Variants in NRG1 observed in about 807,000 individuals in gnomAD.
NRG1 encodes neuregulin 1, also known as pro-neuregulin-1, membrane-bound isoform.
NRG1 carries 18 observed loss-of-function variants against 63.8 expected under a neutral mutation model. That is an observed-to-expected ratio of 0.28 (90% CI 0.19 to 0.42). The LOEUF is 0.42. NRG1 is among the 10% of genes least tolerant of loss of function. The pLI is 1.00. For synonymous variants in NRG1, 302 were observed against 301.3 expected (o/e 1.00, Z -0.02); for missense variants, 762 against 814.7 (o/e 0.94, Z 0.79).
At chr8:31,919,870 G>C (rs932747473) in intron 1 of NRG1, among the ~76,000 whole-genome samples, 2 of 152,022 alleles carry the variant, frequency 1.3e-5, no homozygotes, top group African/African-American at 2.4e-5. Context: ...AAGTGTCATG[G>C]GGTAGAAGAG....
At chr8:32,758,575 C>CAAAAAAAA (rs35499101) in intron 9 of NRG1, among the ~76,000 whole-genome samples, 1 of 74,522 alleles carries the variant, frequency 1.3e-5, no homozygotes, top group Non-Finnish European at 2.2e-5. Flanking sequence ...GACTCCATCT[C>CAAAAAAAA]AAAAAAAAAA....
chr8:31,772,786 A>T (rs888862770), intron 1 of NRG1, among the ~76,000 whole-genome samples: 8 of 152,216 alleles, frequency 5.3e-5, no homozygotes, highest in Non-Finnish European at 5.9e-5. Context: ...GAACCTAAAA[A>T]ATTCTGGACT....
intron 1 of NRG1, among the ~76,000 whole-genome samples, chr8:32,227,228 A>G (rs1434177677): frequency 1.3e-5 from 2 of 152,176 alleles, no homozygotes; most frequent in African/African-American, 4.8e-5. Flanking sequence ...GCTTTGTAAC[A>G]TGTTCCAAGC....
At chr8:32,109,466 T>C (rs1343406705) in intron 1 of NRG1, among the ~76,000 whole-genome samples, 1 of 152,220 alleles carries the variant, frequency 6.6e-6, no homozygotes, top group Non-Finnish European at 1.5e-5. Flanking sequence ...ATCACTCAGC[T>C]GGTAGGTGGT....
chr8:32,617,004 A>T, intron 5 of NRG1, 119 bp downstream of exon 5: 2 of 744,320 alleles, frequency 2.7e-6, no homozygotes, highest in Non-Finnish European at 4.7e-6. Context: ...GAGTTTGGCA[A>T]TAGGTGGTAT....
intron 1 of NRG1, among the ~76,000 whole-genome samples, chr8:32,327,988 T>C (rs576076482): frequency 6.6e-6 from 1 of 152,372 alleles, no homozygotes; most frequent in Non-Finnish European, 1.5e-5. Context: ...GGAAACCAGT[T>C]ACCTCTCTTC....
At chr8:32,600,169 C>G (rs1016550543) in intron 2 of NRG1, among the ~76,000 whole-genome samples, 4 of 151,964 alleles carry the variant, frequency 2.6e-5, no homozygotes, top group African/African-American at 9.7e-5. Context: ...ACCTGCAGTC[C>G]CTGCTACTGA....
rs371035440 is a variant in NRG1 at position 32,055,073 on chromosome 8, A to G, written c.37+415642A>G. The stretch of plus-strand genomic sequence containing the variant: ...TGGCTAATTTTTTTGTATTTTTAGT[A>G]GAGACGGGGTTTCAGTATATTGGCC... On this transcript the variant is annotated intron_variant, in intron 1 of 10. Transcript: ENST00000519301. Among the ~76,000 whole-genome samples, 3 of 151,456 alleles carry G rather than the reference A, an allele frequency of 2.0e-5. No individual in the cohort carries two copies. The East Asian group carries it at 5.9e-4, about 30-fold the overall frequency.
In NRG1 at chr8:32,402,731, G is replaced by C. The variant is rs188647044; in HGVS notation, c.38-193097G>C. 4.6e-5 allele frequency among the ~76,000 whole-genome samples: 7 copies of C among 152,264 alleles called. No individual in the cohort carries two copies. The East Asian group carries it at 1.2e-3, about 25-fold the overall frequency. ...AGAGAAGCCCTAAAGTGCTTCCTTT[G>C]AGTGAAAACTCTTAATAAGGAAAGA... On this transcript the variant is annotated intron_variant, in intron 1 of 10. Transcript: ENST00000519301.
intron 1 of NRG1, among the ~76,000 whole-genome samples, chr8:32,315,168 C>T (rs1857239969): frequency 6.6e-6 from 1 of 152,148 alleles, no homozygotes; most frequent in African/African-American, 2.4e-5. Flanking sequence ...TGTTTTGCTG[C>T]CCCTATCAAC....
chr8:31,660,050 G>T (rs1805819893), intron 1 of NRG1, among the ~76,000 whole-genome samples: 1 of 152,114 alleles, frequency 6.6e-6, no homozygotes, highest in African/African-American at 2.4e-5. Flanking sequence ...TGGTGAAGCT[G>T]GAATTCAGAA....
chr8:32,273,666 T>C (rs1304878601), intron 1 of NRG1, among the ~76,000 whole-genome samples: 1 of 152,190 alleles, frequency 6.6e-6, no homozygotes, highest in Non-Finnish European at 1.5e-5. Context: ...GTGATATAAA[T>C]TGATTTTAAA....
chr8:31,886,963 TTC>T lies in NRG1; in HGVS notation c.37+247538_37+247539del, dbSNP rs141871249. 3.3e-5 allele frequency among the ~76,000 whole-genome samples: 5 copies of T among 152,246 alleles called. No individual in the cohort carries two copies. The East Asian group carries it at 9.7e-4, about 29-fold the overall frequency. ...TACAAACCCTCCTCTTGGCTTAACA[TTC>T]TCTCTGATGGCTTTCTGCACATTGG... On this transcript the variant is annotated intron_variant, in intron 1 of 10. Transcript: ENST00000519301.
chr8:32,369,816 G>T (rs1418650761), intron 1 of NRG1, among the ~76,000 whole-genome samples: 2 of 152,104 alleles, frequency 1.3e-5, no homozygotes, highest in African/African-American at 4.8e-5. Context: ...GGCATAAAAA[G>T]CTTGCATTTG....
At chr8:32,339,670 T>C (rs928630080) in intron 1 of NRG1, among the ~76,000 whole-genome samples, 2 of 152,194 alleles carry the variant, frequency 1.3e-5, no homozygotes, top group Non-Finnish European at 2.9e-5. Flanking sequence ...ATTTATGAAA[T>C]GGGCATTTTC....
intron 1 of NRG1, among the ~76,000 whole-genome samples, chr8:31,813,522 T>TTTC (rs1563433481): frequency 7.9e-5 from 11 of 139,712 alleles, no homozygotes; most frequent in African/African-American, 3.0e-4. Context: ...TTTTCTTTTT[T>TTTC]TTTTTTTTTT....
chr8:32,765,008 G>A (rs1309406817), exon 12 of NRG1: 2 of 132,832 alleles, frequency 1.5e-5, no homozygotes, highest in Non-Finnish European at 1.6e-5. Flanking sequence ...TTAAATATTA[G>A]GAAGAAAGTA....
chr8:31,980,387 GGATCTAAGCTTCCTT>G (rs1808877595), intron 1 of NRG1, among the ~76,000 whole-genome samples: 1 of 151,704 alleles, frequency 6.6e-6, no homozygotes, highest in Non-Finnish European at 1.5e-5. Context: ...TTTACTTTTG[GGATCTAAGCTTCCTT>G]GAATGTTTAG....
chr8:32,048,850 A>G (rs774945059), intron 1 of NRG1, among the ~76,000 whole-genome samples: 2 of 151,880 alleles, frequency 1.3e-5, no homozygotes, highest in Non-Finnish European at 2.9e-5. Context: ...AGTTCCTTAT[A>G]TATTTTGGAT....
Sources: gnomAD v4.1 joint callset for allele counts (sites outside exome capture counted in the v4.1 genomes callset) on GRCh38, gnomAD v4.1.1 for gene constraint, MANE v1.5 for transcripts, NCBI Gene and HGNC (gene_info 2026-07-23, HGNC 2026-07-21) for gene names.